The following CCT7 variants were observed in gnomAD, a reference collection of about 807,000 sequenced individuals.
The protein encoded by CCT7 is chaperonin containing TCP1 subunit 7.
CCT7 carries 16 observed loss-of-function variants against 56.6 expected under a neutral mutation model. The observed-to-expected ratio is 0.28, with a 90% CI of 0.19 to 0.43. CCT7 has a LOEUF of 0.43. CCT7 is among the 20% of genes least tolerant of loss of function. The probability of loss-of-function intolerance (pLI) is 1.00; values close to 1 mark genes in which losing one functional copy is unlikely to be tolerated. For synonymous variants in CCT7, 262 were observed against 254.8 expected (o/e 1.03, Z -0.27); for missense variants, 519 against 685.6 (o/e 0.76, Z 2.71).
intron 2 of CCT7, 133 bp downstream of exon 2, chr2:73,239,929 G>T: frequency 1.3e-6 from 1 of 772,716 alleles, no homozygotes. Context: ...CTCTGAAGCA[G>T]TTCCAATTCT....
chr2:73,247,315 G>A (rs1327710544), intron 6 of CCT7, among the ~76,000 whole-genome samples: 3 of 152,162 alleles, frequency 2.0e-5, no homozygotes, highest in Admixed American at 2.0e-4. Context: ...GGTACATGGA[G>A]GTGTACAGGA....
intron 6 of CCT7, among the ~76,000 whole-genome samples, chr2:73,245,877 A>G (rs1040071132): frequency 1.3e-5 from 2 of 152,102 alleles, no homozygotes; most frequent in African/African-American, 2.4e-5. Flanking sequence ...TATCTTCATC[A>G]TGGCTTGCTG....
At position 73,234,418 on chromosome 2, in the gene CCT7, C is replaced by G. The variant is rs1468028373; in HGVS notation, c.6+34C>G. ...CGTCTCGCGCATCCGTCGCCATCAG[C>G]TGCCATCTGGCCGGTGGCCGGCGCC... is the stretch of plus-strand genomic sequence containing the variant. On this transcript the variant is annotated intron_variant, in intron 1 of 11. Coordinates refer to ENST00000258091, the MANE Select transcript of CCT7 (RefSeq NM_006429.4). 1.9e-6 allele frequency: 3 copies of G among 1,612,112 alleles called. No individual in the cohort carries two copies. In the Admixed American group the frequency reaches 5.0e-5, roughly 27 times the overall value.
rs1348832590 is a variant in CCT7 at position 73,249,821 on chromosome 2, C to T, written c.975C>T (p.Ala325=). The T allele has an allele frequency of 1.2e-6, 2 of 1,610,882 alleles. No homozygotes were observed. The highest frequency in any genetic ancestry group is 2.7e-5 in the African/African-American group (2 of 74,866). ...ATCTTGCCTTCCTTGCTCCCTAGGCCTGTGGAGGCTCAATCCAGACCAGTG... is the reference window on the plus strand; with the variant it reads ...ATCTTGCCTTCCTTGCTCCCTAGGCTTGTGGAGGCTCAATCCAGACCAGTG... The part of the protein sequence containing the change: ...PEEDLKRTMM[A]CGGSIQTSVN... Residue 325 remains alanine, a splice_region_variant and synonymous_variant, in exon 9 of 12, where the codon GCC becomes GCT. Transcript: ENST00000258091.
Position 73,252,733 on chromosome 2 carries a change from G to T in CCT7, c.1504G>T (p.Ala502Ser). Residue 502 changes from alanine (A) to serine (S), a missense_variant, in exon 12 of 12, where the codon GCG becomes TCG. Ala to Ser is a moderately conservative substitution (Grantham distance 99). Around this residue, in one of 3 missense-constraint regions of CCT7, gnomAD observed 237 missense variants for 300.8 expected, o/e 0.79. Coordinates refer to ENST00000258091, the MANE Select transcript of CCT7 (RefSeq NM_006429.4). The part of the protein sequence containing the change: ...VWEPAMVRIN[A>S]LTAASEAACL... ...GGAGCCAGCTATGGTGCGGATCAATGCGCTGACAGCAGCCTCTGAGGCTGC... is the reference window on the plus strand; with the variant it reads ...GGAGCCAGCTATGGTGCGGATCAATTCGCTGACAGCAGCCTCTGAGGCTGC... The T allele has an allele frequency of 6.2e-7, 1 of 1,614,174 alleles. No homozygotes were observed. Among genetic ancestry groups the T allele is most frequent in the Non-Finnish European group, 8.5e-7 (1 of 1,180,026 alleles).
intron 3 of CCT7, 142 bp from the exon 4 acceptor site, chr2:73,242,862 C>G: frequency 2.1e-6 from 2 of 964,808 alleles, no homozygotes; most frequent in Non-Finnish European, 3.1e-6. Context: ...CTACTTATTG[C>G]AAAAACCTGT....
chr2:73,252,615 CTCCTT>C lies in CCT7; in HGVS notation c.1411-22_1411-18del. The C allele has an allele frequency of 5.7e-6, 9 of 1,576,448 alleles. No individual in the cohort carries two copies. Among genetic ancestry groups the C allele is most frequent in the Non-Finnish European group, 7.8e-6 (9 of 1,146,524 alleles). ...AAAGTTGAAAGTAGTTCCATATTAC[CTCCTT>C]TCTTTTCCTACTCTTTTAGGGGGGT... On this transcript the variant is annotated intron_variant, in intron 11 of 11. Coordinates refer to ENST00000258091, the MANE Select transcript of CCT7 (RefSeq NM_006429.4).
At chr2:73,251,122 A>G in intron 10 of CCT7, 104 bp from the exon 11 acceptor site, 1 of 1,029,982 alleles carries the variant, frequency 9.7e-7, no homozygotes, top group Admixed American at 1.9e-5. Flanking sequence ...GGAGGAAGGA[A>G]TGAAGAACCA....
chr2:73,245,366 G>T (rs1029392103), intron 6 of CCT7, among the ~76,000 whole-genome samples: 9 of 152,170 alleles, frequency 5.9e-5, no homozygotes, highest in East Asian at 5.8e-4. Flanking sequence ...TCTTAACTCA[G>T]CACCCTCCAG....
chr2:73,234,915 C>T (rs185054688), intron 1 of CCT7, among the ~76,000 whole-genome samples: 7 of 152,340 alleles, frequency 4.6e-5, no homozygotes, highest in Admixed American at 3.9e-4. Flanking sequence ...TTCCCTAGTA[C>T]TTTTAATTCA....
In CCT7 at chr2:73,249,011, T is replaced by A; in HGVS notation, c.804T>A (p.Asp268Glu). The A allele has an allele frequency of 6.2e-7, 1 of 1,613,228 alleles. No homozygotes were observed. Among genetic ancestry groups the A allele is most frequent in the Non-Finnish European group, 8.5e-7 (1 of 1,179,876 alleles). Residue 268 changes from aspartate (D) to glutamate (E), a missense_variant, in exon 8 of 12, where the codon GAT becomes GAA. Around this residue, in one of 3 missense-constraint regions of CCT7, gnomAD observed 276 missense variants for 357.3 expected, o/e 0.77. Coordinates refer to ENST00000258091, the MANE Select transcript of CCT7 (RefSeq NM_006429.4). ...HTVEDYQAIV[D>E]AEWNILYDKL... is the part of the protein sequence containing the mutation. ...TCCAGGATTATCAGGCAATTGTTGA[T>A]GCTGAGTGGAACATTCTCTATGACA... is the stretch of plus-strand genomic sequence containing the variant.
intron 1 of CCT7, 131 bp downstream of exon 1, chr2:73,234,515 A>C: frequency 1.8e-6 from 2 of 1,121,682 alleles, no homozygotes; most frequent in Non-Finnish European, 2.6e-6. Flanking sequence ...TCCCCAGCTT[A>C]GGGGCGACCC....
In CCT7 at chr2:73,247,754, T is replaced by A. The variant is rs181929902; in HGVS notation, c.619-8T>A. On this transcript the variant is annotated splice_polypyrimidine_tract_variant and splice_region_variant and intron_variant, in intron 6 of 11. Transcript: ENST00000258091. The stretch of plus-strand genomic sequence containing the variant: ...CAAACCATTAAAGTGTTTGTTTTTT[T>A]AAAACAGGATTCTCAGCTGGTAGCT... The A allele has an allele frequency of 7.4e-6, 12 of 1,612,710 alleles. No individual in the cohort carries two copies. Among genetic ancestry groups the A allele is most frequent in the South Asian group, 3.3e-5 (3 of 91,060 alleles).
At chr2:73,235,137 T>C (rs1464973314) in intron 1 of CCT7, among the ~76,000 whole-genome samples, 16 of 152,158 alleles carry the variant, frequency 1.1e-4, no homozygotes, top group Admixed American at 9.8e-4. Context: ...GGTCTCGTTT[T>C]CTTGAAATTT....
chr2:73,251,755 T>C (rs1687596954), intron 11 of CCT7, among the ~76,000 whole-genome samples: 1 of 152,116 alleles, frequency 6.6e-6, no homozygotes, highest in Admixed American at 6.5e-5. Flanking sequence ...CTGGCCAACA[T>C]AGTGAAACCC....
At chr2:73,240,280 G>A (rs1687049764) in intron 2 of CCT7, 157 bp from the exon 3 acceptor site, 2 of 490,274 alleles carry the variant, frequency 4.1e-6, no homozygotes, top group East Asian at 6.6e-5. Context: ...TGTGTACAGA[G>A]CTAATTCTGT....
chr2:73,250,420 C>G lies in CCT7; in HGVS notation c.1185C>G (p.Ile395Met). ...TERSLHDAIMIVRRAIKNDSV... is the reference protein window; with the variant it reads ...TERSLHDAIMMVRRAIKNDSV... ...GGTCCCTGCATGATGCCATCATGAT[C>G]GTCAGGAGGGCCATCAAGGTACTGG... Residue 395 changes from isoleucine (I) to methionine (M), a missense_variant, in exon 10 of 12, where the codon ATC (isoleucine) becomes ATG (methionine). Coordinates refer to ENST00000258091, the MANE Select transcript of CCT7 (RefSeq NM_006429.4). The G allele has an allele frequency of 5.6e-6, 9 of 1,614,020 alleles. No individual in the cohort carries two copies. The highest frequency in any genetic ancestry group is 7.6e-6 in the Non-Finnish European group (9 of 1,179,984).
At chr2:73,234,496 T>G in intron 1 of CCT7, 112 bp downstream of exon 1, 2 of 1,270,836 alleles carry the variant, frequency 1.6e-6, no homozygotes, top group Non-Finnish European at 2.2e-6. Flanking sequence ...GCCTCTGTCC[T>G]CGCCCAGATC....
In CCT7 at chr2:73,239,718, G is replaced by A; in HGVS notation, c.82G>A (p.Ala28Thr). The stretch of plus-strand genomic sequence containing the variant: ...CCCCCAGCTTGTGAGTAACATCAGT[G>A]CCTGCCAGGTGATTGCTGAGGCTGT... ...GIPQLVSNIS[A>T]CQVIAEAVRT... The change falls in exon 2 of 12, where the codon GCC becomes ACC. Residue 28 changes from alanine (A) to threonine (T), a missense_variant. This residue lies in a region of CCT7 where 276 missense variants were observed against 357.3 expected (regional missense o/e 0.77). Transcript: ENST00000258091. 1 of 1,613,996 alleles carries A rather than the reference G, an allele frequency of 6.2e-7. No homozygotes were observed. The highest frequency in any genetic ancestry group is 8.5e-7 in the Non-Finnish European group (1 of 1,179,850).
Sources: allele counts gnomAD v4.1 joint callset (sites outside exome capture counted in the v4.1 genomes callset), GRCh38; gene constraint gnomAD v4.1.1; regional missense constraint gnomAD v4.1.1; transcripts MANE v1.5; gene names NCBI Gene and HGNC (gene_info 2026-07-23, HGNC 2026-07-21).